Variants in PPP2R2B observed in about 807,000 individuals in gnomAD.
The protein encoded by PPP2R2B is serine/threonine-protein phosphatase 2A 55 kDa regulatory subunit B beta isoform.
PPP2R2B carries 5 observed loss-of-function variants against 46.0 expected under a neutral mutation model. The ratio of observed to expected loss-of-function variants is 0.11; its 90% confidence interval spans 0.06 to 0.23. The LOEUF (loss-of-function observed/expected upper bound fraction) is 0.23, where lower values mean the gene tolerates loss of function less well. Among genes scored for constraint, PPP2R2B ranks in the 10% least tolerant of loss-of-function variants. The probability of loss-of-function intolerance (pLI) is 1.00; values close to 1 mark genes in which losing one functional copy is unlikely to be tolerated. For synonymous variants in PPP2R2B, 215 were observed against 206.7 expected (o/e 1.04, Z -0.34); for missense variants, 367 against 575.0 (o/e 0.64, Z 3.70).
chr5:146,886,782 T>G (rs2151425909), intron 1 of PPP2R2B, among the ~76,000 whole-genome samples: 1 of 152,180 alleles, frequency 6.6e-6, no homozygotes, highest in East Asian at 1.9e-4. Flanking sequence ...TTTTAGAACA[T>G]GCATCATTTT....
intron 2 of PPP2R2B, among the ~76,000 whole-genome samples, chr5:146,807,193 C>T (rs1013609835): frequency 2.6e-5 from 4 of 152,204 alleles, no homozygotes; most frequent in Admixed American, 6.5e-5. Flanking sequence ...TCTTCAAGAT[C>T]TCTTCCAGAT....
chr5:146,982,969 C>T (rs1458788257), intron 1 of PPP2R2B, among the ~76,000 whole-genome samples: 1 of 152,010 alleles, frequency 6.6e-6, no homozygotes, highest in Non-Finnish European at 1.5e-5. Flanking sequence ...CTTACGTTTT[C>T]TCAATTAACT....
chr5:146,875,409 C>T lies in PPP2R2B; in HGVS notation c.70+2593G>A, dbSNP rs563999240. Reference sequence around the variant, plus strand: ...AGAAAGACAGAGAGAGAGAAAGAGACTGAGAGAGGGGAGCTTGGGTGAAAG... The same window carrying T: ...AGAAAGACAGAGAGAGAGAAAGAGATTGAGAGAGGGGAGCTTGGGTGAAAG... On this transcript the variant is annotated intron_variant, in intron 2 of 9. Coordinates refer to ENST00000394411, the MANE Select transcript of PPP2R2B (RefSeq NM_181675.4). 6.6e-5 allele frequency among the ~76,000 whole-genome samples: 10 copies of T among 152,166 alleles called. No homozygotes were observed. In the South Asian group the frequency reaches 8.3e-4, roughly 13 times the overall value.
intron 2 of PPP2R2B, among the ~76,000 whole-genome samples, chr5:146,771,120 A>G (rs946987755): frequency 2.0e-5 from 3 of 152,160 alleles, no homozygotes; most frequent in Non-Finnish European, 4.4e-5. Flanking sequence ...TGGGAGAAGG[A>G]GGAGGATATA....
At chr5:146,892,456 T>G (rs1036022305) in intron 1 of PPP2R2B, among the ~76,000 whole-genome samples, 25 of 152,320 alleles carry the variant, frequency 1.6e-4, no homozygotes, top group African/African-American at 4.8e-4. Flanking sequence ...AAAATATACA[T>G]GCACACATGC....
At chr5:146,718,482 G>A (rs879481163) in intron 2 of PPP2R2B, among the ~76,000 whole-genome samples, 18 of 152,008 alleles carry the variant, frequency 1.2e-4, no homozygotes, top group East Asian at 1.9e-4. Context: ...ACACACACAC[G>A]TACATTTGGT....
At chr5:146,687,468 G>T (rs1355333551) in intron 5 of PPP2R2B, among the ~76,000 whole-genome samples, 1 of 152,004 alleles carries the variant, frequency 6.6e-6, no homozygotes, top group Non-Finnish European at 1.5e-5. Flanking sequence ...GTGGTGCATG[G>T]TATATGGCAA....
chr5:147,081,436 G>A, upstream of PPP2R2B: 2 of 749,256 alleles, frequency 2.7e-6, no homozygotes, highest in Non-Finnish European at 4.3e-6. Flanking sequence ...TCCTGGAGTG[G>A]TTACGAAGGA....
upstream of PPP2R2B, among the ~76,000 whole-genome samples, chr5:147,059,832 G>C (rs955703414): frequency 6.6e-6 from 1 of 152,168 alleles, no homozygotes; most frequent in Non-Finnish European, 1.5e-5. Context: ...AGTCCAGCTA[G>C]AGCCCCTGCC....
Position 146,983,176 on chromosome 5 carries a change from A to ATTTTTTTTT in PPP2R2B, c.79+72480_79+72488dup, listed in dbSNP as rs745692719. Among the ~76,000 whole-genome samples the ATTTTTTTTT allele has an allele frequency of 1.2e-3, 101 of 80,876 alleles. 9 individuals are homozygous for ATTTTTTTTT. The highest frequency in any genetic ancestry group is 1.5e-3 in the Non-Finnish European group (69 of 45,402). The allele number at this position is 80,876 out of a possible 152,430, so 53.1% of individuals were successfully genotyped here. A position where few individuals can be genotyped will look rare whatever the true frequency, so the allele number is the denominator to read the frequency against. On this transcript the variant is annotated intron_variant, in intron 1 of 8. Transcript: ENST00000336640. ...GTTTATCTATCGTGTTTTCCAGAGCATTTTTTTTTTTTTTTTTTTTTTGAG... is the reference window on the plus strand; with the variant it reads ...GTTTATCTATCGTGTTTTCCAGAGCATTTTTTTTTTTTTTTTTTTTTTTTTTTTTTTGAG...
chr5:146,606,212 C>T (rs48624), intron 7 of PPP2R2B, among the ~76,000 whole-genome samples: 19,908 of 152,126 alleles, frequency 0.13, 2,575 homozygotes, highest in African/African-American at 0.33. Context: ...TAGGTAACCA[C>T]AGGTGCAGGC....
intron 1 of PPP2R2B, among the ~76,000 whole-genome samples, chr5:146,912,758 C>T (rs143879703): frequency 0.013 from 1,942 of 152,120 alleles, 58 homozygotes; most frequent in East Asian, 0.091. Context: ...CCGCTCGCTT[C>T]GGCCTCCCAA....
At chr5:146,982,105 C>T (rs559985353) in intron 1 of PPP2R2B, among the ~76,000 whole-genome samples, 1 of 152,240 alleles carries the variant, frequency 6.6e-6, no homozygotes, top group East Asian at 1.9e-4. Flanking sequence ...TTTTCTTCCT[C>T]CTTGCTTTGA....
intron 2 of PPP2R2B, among the ~76,000 whole-genome samples, chr5:146,750,250 T>G (rs1199738933): frequency 2.0e-5 from 3 of 152,188 alleles, no homozygotes; most frequent in African/African-American, 7.2e-5. Context: ...AGTTTATTAT[T>G]CTTTTAAAAA....
At chr5:147,039,376 C>A (rs149853292) in intron 1 of PPP2R2B, among the ~76,000 whole-genome samples, 29 of 152,286 alleles carry the variant, frequency 1.9e-4, no homozygotes, top group Non-Finnish European at 3.7e-4. Context: ...CTGATCTCTG[C>A]CTGTACATCA....
intron 2 of PPP2R2B, among the ~76,000 whole-genome samples, chr5:146,808,223 T>C (rs746439339): frequency 6.6e-5 from 10 of 152,160 alleles, no homozygotes; most frequent in African/African-American, 1.4e-4. Flanking sequence ...CCACATACAG[T>C]GATTCAAATT....
At chr5:147,052,713 C>T (rs986091184) in intron 1 of PPP2R2B, among the ~76,000 whole-genome samples, 3 of 152,040 alleles carry the variant, frequency 2.0e-5, no homozygotes, top group Non-Finnish European at 4.4e-5. Context: ...GAGAGTCGGG[C>T]GGGGCTCAGA....
intron 1 of PPP2R2B, among the ~76,000 whole-genome samples, chr5:147,050,920 T>C (rs1354068734): frequency 1.3e-5 from 2 of 152,076 alleles, no homozygotes; most frequent in East Asian, 1.9e-4. Context: ...TGAAGGAGCA[T>C]TGTTGATAGA....
At chr5:146,918,798 AT>A (rs548500382) in intron 1 of PPP2R2B, among the ~76,000 whole-genome samples, 1 of 151,642 alleles carries the variant, frequency 6.6e-6, no homozygotes, top group African/African-American at 2.4e-5. Context: ...AGACCTTACT[AT>A]TTTTTTTCCT....
Sources: gnomAD v4.1 joint callset for allele counts (sites outside exome capture counted in the v4.1 genomes callset) on GRCh38, gnomAD v4.1.1 for gene constraint, MANE v1.5 for transcripts, NCBI Gene and HGNC (gene_info 2026-07-23, HGNC 2026-07-21) for gene names.